The following BRAF variants were observed in gnomAD, a reference collection of about 807,000 sequenced individuals.
BRAF encodes B-Raf proto-oncogene, serine/threonine kinase.
Under a neutral mutation model 104.6 loss-of-function variants are expected in BRAF, and 16 were observed. That is an observed-to-expected ratio of 0.15 (90% confidence interval 0.10 to 0.23). The LOEUF is 0.23. Among genes scored for constraint, BRAF ranks in the 10% least tolerant of loss-of-function variants. The probability of loss-of-function intolerance (pLI) is 1.00; values close to 1 mark genes in which losing one functional copy is unlikely to be tolerated. For missense variants in BRAF, 541 were observed against 937.3 expected (o/e 0.58, Z 5.52); for synonymous variants, 310 against 341.6 (o/e 0.91, Z 1.02).
chr7:140,889,726 T>C (rs1352791588), intron 1 of BRAF, among the ~76,000 whole-genome samples: 1 of 152,122 alleles, frequency 6.6e-6, no homozygotes, highest in East Asian at 1.9e-4. Context: ...TTCAAGACAA[T>C]AATCCAAATT....
At position 140,794,448 on chromosome 7, in the gene BRAF, G is replaced by C; in HGVS notation, c.1000C>G (p.Pro334Ala). The C allele has an allele frequency of 6.2e-7, 1 of 1,614,034 alleles. No individual in the cohort carries two copies. The highest frequency in any genetic ancestry group is 1.1e-5 in the South Asian group (1 of 91,082). Residue 334 changes from proline (P) to alanine (A), a missense_variant, in exon 8 of 20, where the codon CCG (proline) becomes GCG (alanine). Physicochemically the swap from Pro to Ala is conservative, Grantham distance 27. Around this residue, in one of 10 missense-constraint regions of BRAF, gnomAD observed 79 missense variants for 74.6 expected, o/e 1.06. Transcript: ENST00000644969. Reference sequence around the variant, plus strand: ...ATTGGAATGGATTTTGAAGGAGACGGACTGGTGAGAATTTGGGGCCTGGAA... The same window carrying C: ...ATTGGAATGGATTTTGAAGGAGACGCACTGGTGAGAATTTGGGGCCTGGAA... ...DSIGPQILTS[P>A]SPSKSIPIPQ...
At chr7:140,768,578 C>T (rs958210491) in intron 14 of BRAF, among the ~76,000 whole-genome samples, 1 of 152,124 alleles carries the variant, frequency 6.6e-6, no homozygotes, top group East Asian at 1.9e-4. Context: ...ACTGTAGCCT[C>T]AAACTTCTGG....
At chr7:140,895,033 T>C (rs1814720973) in intron 1 of BRAF, among the ~76,000 whole-genome samples, 2 of 152,194 alleles carry the variant, frequency 1.3e-5, no homozygotes, top group Admixed American at 6.5e-5. Context: ...CAGAGAGGTA[T>C]AGACTGAGCT....
intron 1 of BRAF, among the ~76,000 whole-genome samples, chr7:140,870,410 C>T (rs1343186519): frequency 6.6e-6 from 1 of 151,980 alleles, no homozygotes; most frequent in African/African-American, 2.4e-5. Flanking sequence ...AAATTATATG[C>T]TAAAACTTTA....
intron 14 of BRAF, 127 bp downstream of exon 13, chr7:140,776,781 ATTAG>A: frequency 1.2e-6 from 1 of 853,498 alleles, no homozygotes; most frequent in Non-Finnish European, 1.9e-6. Context: ...TTTACCAGCC[ATTAG>A]TTAGCATCCT....
rs141557950 is a variant in BRAF at position 140,907,034 on chromosome 7, G to A, written c.138+17532C>T. On this transcript the variant is annotated intron_variant, in intron 1 of 19. Coordinates refer to ENST00000644969, the MANE Select transcript of BRAF (RefSeq NM_001374258.1). ...TACCATTCTTTCTCCTCTCTTTCCA[G>A]AGCTCTGATTAAAGAAATTAGATCT... 5.1e-4 allele frequency among the ~76,000 whole-genome samples: 77 copies of A among 152,130 alleles called. No individual in the cohort carries two copies. The East Asian group carries it at 0.014, about 28-fold the overall frequency.
At chr7:140,877,794 T>A (rs1476908571) in intron 1 of BRAF, among the ~76,000 whole-genome samples, 1 of 151,970 alleles carries the variant, frequency 6.6e-6, no homozygotes. Context: ...AACAAAACTC[T>A]CACAGGATAA....
intron 14 of BRAF, among the ~76,000 whole-genome samples, chr7:140,761,403 AG>A (rs1348593816): frequency 2.6e-4 from 39 of 152,334 alleles, no homozygotes; most frequent in African/African-American, 8.9e-4. Flanking sequence ...AAACATGGAA[AG>A]GAACAAGTGG....
downstream of BRAF, among the ~76,000 whole-genome samples, chr7:140,718,726 T>C (rs1465321053): frequency 1.3e-5 from 2 of 152,228 alleles, no homozygotes; most frequent in Non-Finnish European, 2.9e-5. Flanking sequence ...CTGGAAACTC[T>C]GCCCAGTAAT....
At position 140,875,453 on chromosome 7, in the gene BRAF, G is replaced by A. The variant is rs192210184; in HGVS notation, c.139-25241C>T. Among the ~76,000 whole-genome samples, 526 of 152,286 alleles carry A rather than the reference G, an allele frequency of 3.5e-3. 9 individuals carry two copies. The highest frequency in any genetic ancestry group is 0.013 in the East Asian group (67 of 5,170). On this transcript the variant is annotated intron_variant, in intron 1 of 19. Coordinates refer to ENST00000644969, the MANE Select transcript of BRAF (RefSeq NM_001374258.1). ...TACAATGGCGTGATCTCAGCTCAAT[G>A]CAACCTCCGCCTCCCGGGCTCAAGC...
chr7:140,885,395 T>C (rs117491348), intron 1 of BRAF, among the ~76,000 whole-genome samples: 665 of 152,300 alleles, frequency 4.4e-3, no homozygotes, highest in South Asian at 7.5e-3. Flanking sequence ...ACCTTCTGTA[T>C]TCAATTTGTT....
chr7:140,749,275 G>A lies in BRAF; in HGVS notation c.2112+12C>T, dbSNP rs2128994239. On this transcript the variant is annotated intron_variant, in intron 17 of 19. Transcript: ENST00000644969. ...ACGGTAAAATAAACACCAAGACGTG[G>A]TAAATATTTACCTGGTCCCTGTTGT... 6.2e-7 allele frequency: 1 copy of A among 1,610,622 alleles called. No individual in the cohort carries two copies. Among genetic ancestry groups the A allele is most frequent in the East Asian group, 2.2e-5 (1 of 44,744 alleles).
At chr7:140,808,167 G>C (rs1803851209) in intron 4 of BRAF, 105 bp from the exon 5 acceptor site, 1 of 868,972 alleles carries the variant, frequency 1.2e-6, no homozygotes, top group Non-Finnish European at 1.9e-6. Flanking sequence ...TAGTAACAGT[G>C]AGGGAGGTTT....
chr7:140,822,977 C>G (rs2129055486), intron 3 of BRAF, among the ~76,000 whole-genome samples: 1 of 152,224 alleles, frequency 6.6e-6, no homozygotes, highest in African/African-American at 2.4e-5. Context: ...TGTACACCAC[C>G]ACTCCTGGCT....
intron 14 of BRAF, among the ~76,000 whole-genome samples, chr7:140,768,529 G>A (rs1799544232): frequency 6.6e-6 from 1 of 152,128 alleles, no homozygotes; most frequent in Admixed American, 6.6e-5. Context: ...GTCTCACTTT[G>A]TCACCCAGGC....
At chr7:140,809,912 AT>A (rs1562970561) in intron 3 of BRAF, among the ~76,000 whole-genome samples, 1 of 142,770 alleles carries the variant, frequency 7.0e-6, no homozygotes, top group African/African-American at 2.9e-5. Flanking sequence ...AAAGTTATCT[AT>A]CTTTAGCCTT....
chr7:140,784,946 C>G (rs1801209611), intron 10 of BRAF, among the ~76,000 whole-genome samples: 1 of 152,062 alleles, frequency 6.6e-6, no homozygotes, highest in Non-Finnish European at 1.5e-5. Flanking sequence ...CGCGCCTGGC[C>G]CGACTTAAGT....
chr7:140,801,856 G>GA (rs1803148192), intron 5 of BRAF, among the ~76,000 whole-genome samples: 1 of 152,146 alleles, frequency 6.6e-6, no homozygotes, highest in African/African-American at 2.4e-5. Flanking sequence ...AAGTAGACAT[G>GA]AAAAGGAGGA....
At position 140,821,368 on chromosome 7, in the gene BRAF, C is replaced by T. The variant is rs556866618; in HGVS notation, c.505-12373G>A. ...AGGCTGGAGTGCAGTGGTGGGATCT[C>T]AGCTCATTGCAACCTGTGCCTCCCA... On this transcript the variant is annotated intron_variant, in intron 3 of 19. Coordinates refer to ENST00000644969, the MANE Select transcript of BRAF (RefSeq NM_001374258.1). Among the ~76,000 whole-genome samples the T allele has an allele frequency of 1.8e-3, 265 of 144,998 alleles. 1 individual carries two copies. Among genetic ancestry groups the T allele is most frequent in the African/African-American group, 6.4e-3 (251 of 39,062 alleles).
Sources: gnomAD v4.1 joint callset for allele counts (sites outside exome capture counted in the v4.1 genomes callset) on GRCh38, gnomAD v4.1.1 for gene constraint, gnomAD v4.1.1 regional missense constraint, MANE v1.5 for transcripts, NCBI Gene and HGNC (gene_info 2026-07-23, HGNC 2026-07-21) for gene names.